PSME3: variants seen among roughly 807,000 people sequenced by gnomAD.
The protein encoded by PSME3 is proteasome activator complex subunit 3.
Under a neutral mutation model 38.3 loss-of-function variants are expected in PSME3, and 7 were observed. That is an observed-to-expected ratio of 0.18 (90% CI 0.10 to 0.34). The LOEUF (loss-of-function observed/expected upper bound fraction) is 0.34. Ranked by LOEUF, PSME3 falls within the 10% of genes least tolerant of loss-of-function variation. The pLI, the probability that PSME3 is intolerant of heterozygous loss-of-function variation, is 1.00. For synonymous variants in PSME3, 108 were observed against 105.7 expected, an observed-to-expected ratio of 1.02 and a Z score of -0.13; for missense variants, 192 against 307.6, an observed-to-expected ratio of 0.62 and a Z score of 2.81.
intron 3 of PSME3, 21 bp downstream of exon 3, chr17:42,834,598 CT>C: frequency 6.2e-7 from 1 of 1,612,616 alleles, no homozygotes; most frequent in Non-Finnish European, 8.5e-7. Flanking sequence ...CTATTCTTTC[CT>C]CAAATTCCCC....
chr17:42,839,462 C>A, intron 10 of PSME3, 82 bp downstream of exon 10: 1 of 1,188,200 alleles, frequency 8.4e-7, no homozygotes, highest in Non-Finnish European at 1.2e-6. Context: ...CTCTGAAGGG[C>A]TGAGATGAGG....
intron 7 of PSME3, 51 bp from the exon 8 acceptor site, chr17:42,838,894 G>A (rs373230666): frequency 6.2e-7 from 1 of 1,607,344 alleles, no homozygotes; most frequent in African/African-American, 1.3e-5. Context: ...TGGGGCTGCT[G>A]TGGATGACAT....
chr17:42,837,602 A>G (rs1417884639), intron 4 of PSME3, 47 bp from the exon 5 acceptor site: 6 of 1,570,118 alleles, frequency 3.8e-6, no homozygotes, highest in South Asian at 3.3e-5. Context: ...TGTGATGGAG[A>G]TGTGGGTGTC....
At chr17:42,839,852 C>T (rs752729644) in intron 10 of PSME3, among the ~76,000 whole-genome samples, 33 of 151,134 alleles carry the variant, frequency 2.2e-4, no homozygotes, top group Admixed American at 5.9e-4. Context: ...CAAAATTAGC[C>T]GGGCCTGGTG....
At position 42,837,706 on chromosome 17, in the gene PSME3, C is replaced by G. The variant is rs1032589348; in HGVS notation, c.292+9C>G. 6.2e-7 allele frequency: 1 copy of G among 1,612,370 alleles called. No homozygotes were observed. Among genetic ancestry groups the G allele is most frequent in the Non-Finnish European group, 8.5e-7 (1 of 1,179,058 alleles). The stretch of plus-strand genomic sequence containing the variant: ...TGAAGAAGCCTTCCAAGGTAAGAGG[C>G]ACCCTTACCTCACCTCCCCTCACCC... On this transcript the variant is annotated intron_variant, in intron 5 of 10. Transcript: ENST00000590720.
Position 42,833,450 on chromosome 17 carries a change from G to C in PSME3, c.-182G>C, listed in dbSNP as rs1018855855. On this transcript the variant is annotated 5_prime_UTR_variant, in exon 1 of 11. Transcript: ENST00000590720. ...GGGAGGGCGAGCGAGAGAGCAAGCA[G>C]GCAGCAGGCTGCCGGCGGGCGGGCG... 1.8e-5 allele frequency: 12 copies of C among 675,390 alleles called. No homozygotes were observed. The highest frequency in any genetic ancestry group is 1.3e-4 in the African/African-American group (7 of 55,474). The allele number at this position is 675,390 out of a possible 1,614,324, so 41.8% of individuals were successfully genotyped here.
At chr17:42,837,978 T>C in intron 5 of PSME3, 115 bp from the exon 6 acceptor site, 1 of 1,132,076 alleles carries the variant, frequency 8.8e-7, no homozygotes, top group South Asian at 1.3e-5. Context: ...CATGGTAGGA[T>C]TGTGACAAAG....
At chr17:42,841,162 G>T (rs1014037794) in intron 10 of PSME3, among the ~76,000 whole-genome samples, 8 of 149,506 alleles carry the variant, frequency 5.4e-5, no homozygotes, top group African/African-American at 2.0e-4. Context: ...AATACAGTAA[G>T]TCTTCACTTA....
chr17:42,834,034 CACGTTTGTGAGCT>C, intron 1 of PSME3: 6 of 1,439,794 alleles, frequency 4.2e-6, no homozygotes, highest in Non-Finnish European at 5.4e-6. Flanking sequence ...TGGGGGTTGG[CACGTTTGTGAGCT>C]CACATCTTCC....
intron 5 of PSME3, 73 bp from the exon 6 acceptor site, chr17:42,838,019 GA>G: frequency 1.3e-6 from 2 of 1,514,168 alleles, no homozygotes; most frequent in Non-Finnish European, 9.2e-7. Context: ...TAGGTATAGG[GA>G]AAATGAGAGA....
intron 7 of PSME3, 52 bp downstream of exon 7, chr17:42,838,851 T>C (rs2055495767): frequency 6.3e-7 from 1 of 1,578,042 alleles, no homozygotes; most frequent in African/African-American, 1.4e-5. Context: ...GATACTCTCA[T>C]CTCCCCTGCG....
chr17:42,834,658 C>T (rs933489641), intron 3 of PSME3, 81 bp downstream of exon 3: 2 of 1,599,128 alleles, frequency 1.3e-6, no homozygotes, highest in Non-Finnish European at 1.7e-6. Context: ...ACTGTTGATT[C>T]TTCTTCTTTT....
At position 42,838,770 on chromosome 17, in the gene PSME3, G is replaced by A. The variant is rs946593603; in HGVS notation, c.445G>A (p.Asp149Asn). The change falls in exon 7 of 11, where the codon GAT becomes AAT. Residue 149 changes from aspartate to asparagine, a missense_variant. Coordinates refer to ENST00000590720, the MANE Select transcript of PSME3 (RefSeq NM_005789.4). ...ACAGCTCCTGATTCCCAGGATAGAA[G>A]ATGGAAACAACTTTGGGGTGTCCAT... The part of the protein sequence containing the change: ...WVQLLIPRIE[D>N]GNNFGVSIQE... The A allele has an allele frequency of 6.2e-7, 1 of 1,611,940 alleles. No homozygotes were observed. Among genetic ancestry groups the A allele is most frequent in the Non-Finnish European group, 8.5e-7 (1 of 1,178,086 alleles).
intron 4 of PSME3, 29 bp downstream of exon 4, chr17:42,834,905 C>G (rs1357170377): frequency 6.2e-7 from 1 of 1,612,102 alleles, no homozygotes; most frequent in African/African-American, 1.3e-5. Context: ...TCTTTGTGTT[C>G]TTGAGCAGTA....
intron 5 of PSME3, 143 bp downstream of exon 5, chr17:42,837,840 G>A (rs760420138): frequency 2.6e-5 from 27 of 1,046,004 alleles, no homozygotes; most frequent in Middle Eastern, 3.1e-4. Context: ...TCCTCCAAAC[G>A]TGCTTGTTAT....
Position 42,842,748 on chromosome 17 carries a change from C to A in PSME3, c.*1170C>A, listed in dbSNP as rs2055550030. The A allele has an allele frequency of 6.5e-6, 1 of 152,816 alleles. No homozygotes were observed. The highest frequency in any genetic ancestry group is 2.4e-5 in the African/African-American group (1 of 41,462). 9.5% of individuals were successfully genotyped at this position (152,816 alleles called of 1,614,324 possible). ...AAACTATAGAAGAGTTGCCTCCTGT[C>A]TCTCGAATCTTCCAGAGATATCACT... is the stretch of plus-strand genomic sequence containing the variant. On this transcript the variant is annotated 3_prime_UTR_variant, in exon 11 of 11. Coordinates refer to ENST00000590720, the MANE Select transcript of PSME3 (RefSeq NM_005789.4).
chr17:42,839,283 C>G lies in PSME3; in HGVS notation c.598-11C>G. The G allele has an allele frequency of 2.5e-6, 4 of 1,610,680 alleles. No individual in the cohort carries two copies. The highest frequency in any genetic ancestry group is 3.4e-6 in the Non-Finnish European group (4 of 1,176,976). ...TTTGGGGACTAGCTTTTTCCTGTAC[C>G]CTCCTTGCAGGAGGACTATCGCCGC... is the stretch of plus-strand genomic sequence containing the variant. On this transcript the variant is annotated splice_polypyrimidine_tract_variant and intron_variant, in intron 9 of 10. Transcript: ENST00000590720.
rs1360120148 is a variant in PSME3 at position 42,843,638 on chromosome 17, C to A, written c.*2060C>A. On this transcript the variant is annotated 3_prime_UTR_variant, in exon 11 of 11. Transcript: ENST00000590720. ...TCATTTTCTTTACCTTATACTAATT[C>A]TTCCTGAATAATGTCTTCAGTTTCT... The A allele has an allele frequency of 6.6e-6, 1 of 152,334 alleles. No individual in the cohort carries two copies. The highest frequency in any genetic ancestry group is 1.5e-5 in the Non-Finnish European group (1 of 68,034). The allele number at this position is 152,334 out of a possible 1,614,324, so 9.4% of individuals were successfully genotyped here. A position where few individuals can be genotyped will look rare whatever the true frequency, so the allele number is the denominator to read the frequency against.
intron 7 of PSME3, 26 bp from the exon 8 acceptor site, chr17:42,838,919 A>G (rs1391344222): frequency 1.9e-6 from 3 of 1,613,430 alleles, no homozygotes; most frequent in Non-Finnish European, 2.5e-6. Context: ...GTGGCTTTTG[A>G]TGCACCTGTT....
Sources: gnomAD v4.1 joint callset for allele counts (sites outside exome capture counted in the v4.1 genomes callset) on GRCh38, gnomAD v4.1.1 for gene constraint, MANE v1.5 for transcripts, NCBI Gene and HGNC (gene_info 2026-07-23, HGNC 2026-07-21) for gene names.